Variants in LYST observed in about 807,000 individuals in gnomAD.
LYST encodes lysosomal trafficking regulator.
LYST carries 192 observed loss-of-function variants against 413.6 expected under a neutral mutation model. That is an observed-to-expected ratio of 0.46 (90% CI 0.41 to 0.52). The LOEUF is 0.52. Among genes scored for constraint, LYST ranks in the 20% least tolerant of loss-of-function variants. The pLI is 0.00. For missense variants in LYST, 3,815 were observed against 4,499.9 expected (o/e 0.85, Z 4.35); for synonymous variants, 1,525 against 1,567.3 (o/e 0.97, Z 0.64).
chr1:235,859,899 T>C (rs1679661490), intron 1 of LYST, among the ~76,000 whole-genome samples: 1 of 152,138 alleles, frequency 6.6e-6, no homozygotes, highest in East Asian at 1.9e-4. Flanking sequence ...ATACAAAGAG[T>C]ATCATACAAA....
Position 235,800,894 on chromosome 1 carries a change from T to C in LYST, c.3916A>G (p.Asn1306Asp). ...ACCTGTTGCATGAGCAGAAAAACAT[T>C]CTTTTCTTTCTGCCTAATAATTTTC... The part of the protein sequence containing the change: ...FLKIIRQKEK[N>D]VFLLMQQGTV... The change falls in exon 9 of 53, where the codon AAT becomes GAT. Residue 1306 changes from asparagine (N) to aspartate (D), a missense_variant. Physicochemically the swap from Asn to Asp is conservative, Grantham distance 23. Around this residue, in one of 4 missense-constraint regions of LYST, gnomAD observed 1,648 missense variants for 1,810.3 expected, o/e 0.91. Coordinates refer to ENST00000389793, the MANE Select transcript of LYST (RefSeq NM_000081.4). 6.2e-7 allele frequency: 1 copy of C among 1,612,486 alleles called. No individual in the cohort carries two copies. The highest frequency in any genetic ancestry group is 8.5e-7 in the Non-Finnish European group (1 of 1,178,760).
chr1:235,868,517 C>G (rs1680764582), upstream of LYST, among the ~76,000 whole-genome samples: 1 of 151,964 alleles, frequency 6.6e-6, no homozygotes, highest in Admixed American at 6.6e-5. Flanking sequence ...AAGTAACAAG[C>G]CAGTTTCTGT....
intron 3 of LYST, chr1:235,828,791 T>C (rs1675613169): frequency 1.2e-6 from 1 of 801,568 alleles, no homozygotes; most frequent in African/African-American, 1.9e-5. Context: ...TAAATCACTA[T>C]ACATGGTCTA....
chr1:235,872,508 C>T (rs1572509654), intron 1 of LYST, among the ~76,000 whole-genome samples: 1 of 152,138 alleles, frequency 6.6e-6, no homozygotes, highest in Non-Finnish European at 1.5e-5. Context: ...TTCTTCTTGG[C>T]ATCTGTGTGC....
intron 22 of LYST, among the ~76,000 whole-genome samples, chr1:235,761,651 TA>T (rs1667592721): frequency 6.6e-6 from 1 of 151,966 alleles, no homozygotes; most frequent in East Asian, 1.9e-4. Flanking sequence ...ACCAATAGGC[TA>T]AGGGGACAAG....
intron 38 of LYST, among the ~76,000 whole-genome samples, chr1:235,724,658 G>A (rs1396851808): frequency 6.6e-6 from 1 of 150,796 alleles, no homozygotes; most frequent in African/African-American, 2.5e-5. Flanking sequence ...AAAAACCCTC[G>A]GTACTCCACC....
intron 1 of LYST, among the ~76,000 whole-genome samples, chr1:235,842,079 A>T (rs1677283857): frequency 6.6e-6 from 1 of 152,084 alleles, no homozygotes. Flanking sequence ...CTAATAATAG[A>T]CAGTGCAGAC....
At chr1:235,719,454 C>A (rs1287100671) in intron 40 of LYST, among the ~76,000 whole-genome samples, 3 of 151,918 alleles carry the variant, frequency 2.0e-5, no homozygotes, top group Admixed American at 1.3e-4. Context: ...CATTTTGCAA[C>A]CTCTAGTGAA....
At chr1:235,666,086 T>C (rs1019695397) in intron 50 of LYST, among the ~76,000 whole-genome samples, 1 of 152,202 alleles carries the variant, frequency 6.6e-6, no homozygotes, top group East Asian at 1.9e-4. Context: ...AATGCTTCTT[T>C]ATTTAAAAAT....
In LYST at chr1:235,723,976, G is replaced by T. The variant is rs6667717; in HGVS notation, c.9315+52C>A. 579,179 of 1,444,266 alleles carry T rather than the reference G, an allele frequency of 0.4. 127,770 individuals carry two copies. The highest frequency in any genetic ancestry group is 0.83 in the African/African-American group (59,354 of 71,892). 89.5% of individuals were successfully genotyped at this position (1,444,266 alleles called of 1,614,324 possible). The stretch of plus-strand genomic sequence containing the variant: ...TGTAATCAGTATGAGTATAGTTACA[G>T]TGGCCCATGAGCACTTAAACAATAT... On this transcript the variant is annotated intron_variant, in intron 39 of 52. Coordinates refer to ENST00000389793, the MANE Select transcript of LYST (RefSeq NM_000081.4).
At chr1:235,666,264 ACACAC>A (rs1207049425) in intron 50 of LYST, among the ~76,000 whole-genome samples, 38 of 121,216 alleles carry the variant, frequency 3.1e-4, no homozygotes, top group South Asian at 9.7e-4. Flanking sequence ...ACACACACAC[ACACAC>A]AATTTTCTTT....
intron 1 of LYST, among the ~76,000 whole-genome samples, chr1:235,856,940 ATTTT>A (rs59484092): frequency 0.35 from 42,000 of 121,006 alleles, 5,399 homozygotes; most frequent in African/African-American, 0.4. Context: ...GGATATACTG[ATTTT>A]TTTTTTTTTT....
Position 235,668,861 on chromosome 1 carries a change from T to G in LYST, c.11039-4240A>C, listed in dbSNP as rs78782064. Among the ~76,000 whole-genome samples the G allele has an allele frequency of 3.2e-3, 487 of 152,350 alleles. 3 individuals carry two copies. Among genetic ancestry groups the G allele is most frequent in the Admixed American group, 5.0e-3 (76 of 15,302 alleles). On this transcript the variant is annotated intron_variant, in intron 50 of 52. Transcript: ENST00000389793. ...AACTTGTACTACCAAAGTCAACTCT[T>G]TAAGATCTTTTCCCTTTGTTATAAT... is the stretch of plus-strand genomic sequence containing the variant.
intron 14 of LYST, among the ~76,000 whole-genome samples, chr1:235,782,805 G>A (rs936883928): frequency 1.3e-5 from 2 of 152,112 alleles, no homozygotes; most frequent in African/African-American, 2.4e-5. Context: ...TGTCATCTAT[G>A]AGGCCTTTGA....
Position 235,775,195 on chromosome 1 carries a change from T to C in LYST, c.5461-109A>G, listed in dbSNP as rs548110888. On this transcript the variant is annotated intron_variant, in intron 17 of 52. Transcript: ENST00000389793. ...CATCAATCCATTAGTTTCTACAAAG[T>C]ATTTTTTTAATGCTCATACTCTACC... 60 of 828,132 alleles carry C rather than the reference T, an allele frequency of 7.2e-5. No homozygotes were observed. The South Asian group carries it at 7.9e-4, about 11-fold the overall frequency. The allele number at this position is 828,132 out of a possible 1,614,324, so 51.3% of individuals were successfully genotyped here.
Position 235,709,113 on chromosome 1 carries a change from G to T in LYST, c.10121C>A (p.Ala3374Glu). 1.2e-6 allele frequency: 2 copies of T among 1,613,894 alleles called. No individual in the cohort carries two copies. The highest frequency in any genetic ancestry group is 1.1e-5 in the South Asian group (1 of 91,072). The change falls in exon 44 of 53, where the codon GCG becomes GAG. Residue 3374 changes from alanine (A) to glutamate (E), a missense_variant. Ala to Glu is a moderately radical substitution (Grantham distance 107, BLOSUM62 -1). Transcript: ENST00000389793. ...YKQKGKASVQAINVFHPATYF... is the reference protein window; with the variant it reads ...YKQKGKASVQEINVFHPATYF... The stretch of plus-strand genomic sequence containing the variant: ...TACAGCAGGATGAAAAACATTGATC[G>T]CTTGAACAGAAGCCTTCCCCTTTTG...
intron 46 of LYST, among the ~76,000 whole-genome samples, chr1:235,695,296 G>A (rs957517148): frequency 9.2e-5 from 14 of 152,216 alleles, no homozygotes; most frequent in Admixed American, 3.3e-4. Flanking sequence ...TGCAAAGCAC[G>A]AAGTTAACTT....
chr1:235,880,460 C>A (rs999968150), intron 1 of LYST, among the ~76,000 whole-genome samples: 1 of 152,098 alleles, frequency 6.6e-6, no homozygotes, highest in Non-Finnish European at 1.5e-5. Context: ...CATTTGACAC[C>A]GTCATAACAG....
rs751859873 is a variant in LYST, at chr1:235,715,372, G to A, written c.9628-15C>T. 39 of 1,612,966 alleles carry A rather than the reference G, an allele frequency of 2.4e-5. No individual in the cohort carries two copies. The African/African-American group carries it at 4.8e-4, about 20-fold the overall frequency. The stretch of plus-strand genomic sequence containing the variant: ...TCCTCCAAGTACTGAAAGAAACGGT[G>A]AATCCAGAGAATTCATGATTGTGGG... On this transcript the variant is annotated splice_polypyrimidine_tract_variant and intron_variant, in intron 41 of 52. Transcript: ENST00000389793.
Sources: allele counts gnomAD v4.1 joint callset (sites outside exome capture counted in the v4.1 genomes callset), GRCh38; gene constraint gnomAD v4.1.1; regional missense constraint gnomAD v4.1.1; transcripts MANE v1.5; gene names NCBI Gene and HGNC (gene_info 2026-07-23, HGNC 2026-07-21).